CNIH3: variants seen among roughly 807,000 people sequenced by gnomAD.
The protein encoded by CNIH3 is cornichon family AMPA receptor auxiliary protein 3, also known as protein cornichon homolog 3.
A neutral mutation model predicts 24.1 loss-of-function variants in CNIH3; 14 were observed. The observed-to-expected ratio is 0.58, with a 90% CI of 0.38 to 0.91. CNIH3 has a LOEUF of 0.91. Among genes scored for constraint, CNIH3 ranks in the 40% least tolerant of loss-of-function variants. CNIH3 has a pLI of 0.00. For synonymous variants in CNIH3, 68 were observed against 73.8 expected (o/e 0.92, Z 0.40); for missense variants, 178 against 196.8 (o/e 0.90, Z 0.57).
intron 4 of CNIH3, among the ~76,000 whole-genome samples, chr1:224,567,550 G>A (rs1403944577): frequency 6.6e-6 from 1 of 152,142 alleles, no homozygotes; most frequent in East Asian, 1.9e-4. Flanking sequence ...TATTAGGTTG[G>A]TGCAAAAGCA....
chr1:224,506,188 A>G (rs1677900431), intron 1 of CNIH3, among the ~76,000 whole-genome samples: 3 of 152,240 alleles, frequency 2.0e-5, no homozygotes, highest in Admixed American at 6.5e-5. Context: ...TAAATAAACC[A>G]AAAAATCAGC....
chr1:224,681,406 C>T (rs530811607), intron 2 of CNIH3, among the ~76,000 whole-genome samples: 6 of 152,304 alleles, frequency 3.9e-5, no homozygotes, highest in Admixed American at 3.3e-4. Context: ...GCACTCTCCA[C>T]CTGGGCACCA....
intron 1 of CNIH3, among the ~76,000 whole-genome samples, chr1:224,667,601 CAA>C (rs1331762641): frequency 6.6e-6 from 1 of 152,154 alleles, no homozygotes; most frequent in Admixed American, 6.5e-5. Context: ...CAAATTAAAA[CAA>C]GAGAGAGACT....
rs115846121 is a variant in CNIH3 at position 224,606,331 on chromosome 1, G to C, written n.402+40067G>C. Among the ~76,000 whole-genome samples, 1,097 of 152,234 alleles carry C rather than the reference G, an allele frequency of 7.2e-3. 16 individuals are homozygous for C. Among genetic ancestry groups the C allele is most frequent in the African/African-American group, 0.024 (1,016 of 41,524 alleles). ...CTGTGTGAATGAACTGAAGGGTGGC[G>C]AATGTGGAGGATTTTACTGAGTGGT... On this transcript the variant is annotated intron_variant and non_coding_transcript_variant, in intron 3 of 7. Transcript: ENST00000478120.
chr1:224,568,023 G>A (rs1002198736), intron 4 of CNIH3, among the ~76,000 whole-genome samples: 2 of 152,170 alleles, frequency 1.3e-5, no homozygotes, highest in African/African-American at 4.8e-5. Context: ...CAGGCACGGT[G>A]GCTCAAGCCT....
intron 2 of CNIH3, among the ~76,000 whole-genome samples, chr1:224,528,656 A>C (rs1332425409): frequency 1.3e-5 from 2 of 152,200 alleles, no homozygotes; most frequent in Non-Finnish European, 2.9e-5. Context: ...TTTAGGTCAT[A>C]GAGTTACAGG....
chr1:224,607,196 T>G (rs894202852), intron 3 of CNIH3, among the ~76,000 whole-genome samples: 2 of 152,210 alleles, frequency 1.3e-5, no homozygotes, highest in African/African-American at 4.8e-5. Context: ...CTTGGACCTT[T>G]CCAATGGTAA....
chr1:224,623,389 C>A (rs1300873140), intron 1 of CNIH3, among the ~76,000 whole-genome samples: 1 of 152,170 alleles, frequency 6.6e-6, no homozygotes, highest in Non-Finnish European at 1.5e-5. Flanking sequence ...AGTCTACTCT[C>A]TTCCCTCTCT....
intron 1 of CNIH3, among the ~76,000 whole-genome samples, chr1:224,506,903 C>T (rs1444569109): frequency 1.3e-5 from 2 of 151,972 alleles, no homozygotes; most frequent in African/African-American, 4.8e-5. Flanking sequence ...GTCTCTGTCT[C>T]CCAGGCTGGA....
At position 224,728,703 on chromosome 1, in the gene CNIH3, A is replaced by G. The variant is rs145491297; in HGVS notation, c.199-1759A>G. Reference sequence around the variant, plus strand: ...CTAACTAAATTGAGAGACCAAAGTCATGGTCCATACCCAAATGGGATGGTT... The same window carrying G: ...CTAACTAAATTGAGAGACCAAAGTCGTGGTCCATACCCAAATGGGATGGTT... On this transcript the variant is annotated intron_variant, in intron 3 of 5. Coordinates refer to ENST00000272133, the MANE Select transcript of CNIH3 (RefSeq NM_152495.2). Among the ~76,000 whole-genome samples, 40 of 152,324 alleles carry G rather than the reference A, an allele frequency of 2.6e-4. No individual in the cohort carries two copies. In the East Asian group the frequency reaches 7.5e-3, roughly 29 times the overall value.
At chr1:224,688,302 T>C (rs1686756942) in intron 3 of CNIH3, among the ~76,000 whole-genome samples, 1 of 152,236 alleles carries the variant, frequency 6.6e-6, no homozygotes. Context: ...GAGGTCTGAC[T>C]GTAGCTCACA....
At chr1:224,634,811 C>T (rs865821112) in intron 1 of CNIH3, among the ~76,000 whole-genome samples, 6 of 152,150 alleles carry the variant, frequency 3.9e-5, no homozygotes, top group Non-Finnish European at 5.9e-5. Flanking sequence ...TTCAATTTCA[C>T]GTCCCCGATT....
chr1:224,587,955 A>C (rs1017311819), intron 5 of CNIH3, among the ~76,000 whole-genome samples: 1 of 151,476 alleles, frequency 6.6e-6, no homozygotes, highest in Non-Finnish European at 1.5e-5. Flanking sequence ...AAAAAAAAAA[A>C]CAAAACAAAA....
chr1:224,575,475 T>G, intron 4 of CNIH3: 7 of 609,300 alleles, frequency 1.1e-5, no homozygotes, highest in East Asian at 3.3e-5. Context: ...TAGTATGGCC[T>G]GTGTCACTCA....
intron 1 of CNIH3, chr1:224,454,214 A>G: frequency 1.3e-6 from 1 of 796,422 alleles, no homozygotes; most frequent in African/African-American, 1.9e-5. Context: ...TATCTACCCA[A>G]TATTGTGAGT....
intron 1 of CNIH3, among the ~76,000 whole-genome samples, chr1:224,518,195 C>T (rs1040646888): frequency 5.9e-5 from 9 of 152,202 alleles, no homozygotes; most frequent in South Asian, 2.1e-4. Context: ...TCATGAACCT[C>T]GTACTTTATG....
intron 3 of CNIH3, among the ~76,000 whole-genome samples, chr1:224,688,546 A>G (rs963688094): frequency 6.6e-6 from 1 of 152,212 alleles, no homozygotes; most frequent in Non-Finnish European, 1.5e-5. Context: ...GACTTCTGTC[A>G]TCTAAATCCT....
At chr1:224,503,205 A>G (rs1677754387) in intron 1 of CNIH3, among the ~76,000 whole-genome samples, 1 of 152,214 alleles carries the variant, frequency 6.6e-6, no homozygotes, top group Admixed American at 6.5e-5. Flanking sequence ...AATGTCATAT[A>G]CAATTTAATT....
At chr1:224,705,698 A>C (rs146560612) in intron 3 of CNIH3, among the ~76,000 whole-genome samples, 7 of 152,116 alleles carry the variant, frequency 4.6e-5, no homozygotes, top group African/African-American at 1.7e-4. Context: ...GGTTGTTGTG[A>C]ATGTTCTGCA....
Sources: allele counts gnomAD v4.1 joint callset (sites outside exome capture counted in the v4.1 genomes callset), GRCh38; gene constraint gnomAD v4.1.1; transcripts MANE v1.5; gene names NCBI Gene and HGNC (gene_info 2026-07-23, HGNC 2026-07-21).